The following FAM219A variants were observed in gnomAD, a reference collection of about 807,000 sequenced individuals.
FAM219A encodes family with sequence similarity 219 member A, also known as protein FAM219A.
FAM219A carries 7 observed loss-of-function variants against 23.4 expected under a neutral mutation model. The ratio of observed to expected loss-of-function variants is 0.30; its 90% CI spans 0.17 to 0.56. The LOEUF is 0.56. Ranked by LOEUF, FAM219A falls within the 20% of genes least tolerant of loss-of-function variation. The pLI is 0.92. For synonymous variants in FAM219A, 93 were observed against 99.0 expected (o/e 0.94, Z 0.36); for missense variants, 166 against 246.9 (o/e 0.67, Z 2.20).
intron 1 of FAM219A, among the ~76,000 whole-genome samples, chr9:34,421,029 A>AGAGAGAGAGAGAGAGAGG (rs1822260678): frequency 1.3e-5 from 2 of 148,520 alleles, no homozygotes; most frequent in African/African-American, 5.0e-5. Context: ...AGAGAGAGAG[A>AGAGAGAGAGAGAGAGAGG]GAGAGAGAGA....
intron 1 of FAM219A, among the ~76,000 whole-genome samples, chr9:34,416,731 CTG>C (rs1262968979): frequency 8.3e-6 from 1 of 120,628 alleles, no homozygotes; most frequent in African/African-American, 3.1e-5. Flanking sequence ...AAGTGAGACT[CTG>C]TCTCAAAAAA....
At chr9:34,411,788 TG>T (rs1331757424) in intron 1 of FAM219A, among the ~76,000 whole-genome samples, 1 of 151,768 alleles carries the variant, frequency 6.6e-6, no homozygotes, top group Admixed American at 6.6e-5. Context: ...GTAGAGAGAA[TG>T]GGACAAAGGG....
At chr9:34,404,506 C>T (rs1821562371) in intron 2 of FAM219A, among the ~76,000 whole-genome samples, 1 of 152,132 alleles carries the variant, frequency 6.6e-6, no homozygotes, top group Non-Finnish European at 1.5e-5. Context: ...CCAGGAGTTC[C>T]AGACCAGCCT....
At chr9:34,427,428 G>A (rs1376179546) in intron 1 of FAM219A, among the ~76,000 whole-genome samples, 2 of 152,120 alleles carry the variant, frequency 1.3e-5, no homozygotes, top group African/African-American at 4.8e-5. Context: ...TCCCATAAAT[G>A]CCAGGCTCAG....
intron 1 of FAM219A, among the ~76,000 whole-genome samples, chr9:34,409,236 T>C (rs1821744109): frequency 6.6e-6 from 1 of 152,270 alleles, no homozygotes; most frequent in Non-Finnish European, 1.5e-5. Context: ...TCTCTGGCAC[T>C]GTGCCTGCAA....
At chr9:34,445,901 G>A (rs1007326275) in intron 1 of FAM219A, among the ~76,000 whole-genome samples, 1 of 152,214 alleles carries the variant, frequency 6.6e-6, no homozygotes, top group Non-Finnish European at 1.5e-5. Context: ...TAGGCTGGGT[G>A]CAGTGGCTCA....
intron 1 of FAM219A, among the ~76,000 whole-genome samples, chr9:34,434,595 C>T (rs1007306044): frequency 6.6e-5 from 10 of 152,138 alleles, no homozygotes; most frequent in East Asian, 5.8e-4. Context: ...ATACAGAAAA[C>T]GATAACACAA....
In FAM219A at chr9:34,398,585, G is replaced by C. The variant is rs541509873; in HGVS notation, c.*2379C>G. ...CTGCCAGGGAACTAGTATGTCCTGTGGGGGGGGAGATTTTCCCTGGTGTCT... is the reference window on the plus strand; with the variant it reads ...CTGCCAGGGAACTAGTATGTCCTGTCGGGGGGGAGATTTTCCCTGGTGTCT... On this transcript the variant is annotated 3_prime_UTR_variant, in exon 6 of 6. Coordinates refer to ENST00000651358, the MANE Select transcript of FAM219A (RefSeq NM_001184940.2). The C allele has an allele frequency of 9.4e-5, 53 of 563,934 alleles. No individual in the cohort carries two copies. Among genetic ancestry groups the C allele is most frequent in the Middle Eastern group, 4.8e-4 (1 of 2,074 alleles). 34.9% of individuals were successfully genotyped at this position (563,934 alleles called of 1,614,324 possible). A position where few individuals can be genotyped will look rare whatever the true frequency, so the allele number is the denominator to read the frequency against.
At chr9:34,435,997 G>T (rs1822896315) in intron 1 of FAM219A, among the ~76,000 whole-genome samples, 1 of 151,920 alleles carries the variant, frequency 6.6e-6, no homozygotes, top group East Asian at 1.9e-4. Flanking sequence ...TAGAGATAGG[G>T]TTTCACCATG....
At chr9:34,407,949 C>T (rs1023714353) in intron 1 of FAM219A, among the ~76,000 whole-genome samples, 3 of 152,126 alleles carry the variant, frequency 2.0e-5, no homozygotes, top group Non-Finnish European at 4.4e-5. Context: ...TTGTCACTAA[C>T]GGGAAAGGGA....
At chr9:34,434,201 C>CAAAA (rs56144317) in intron 1 of FAM219A, among the ~76,000 whole-genome samples, 18 of 44,980 alleles carry the variant, frequency 4.0e-4, no homozygotes, top group Non-Finnish European at 4.1e-4. Context: ...GACTCCGTCT[C>CAAAA]AAAAAAAAAA....
intron 4 of FAM219A, chr9:34,402,102 G>A: frequency 7.2e-7 from 1 of 1,381,270 alleles, no homozygotes; most frequent in Non-Finnish European, 9.5e-7. Flanking sequence ...ATCATATTCT[G>A]CTGTCCAGAG....
At chr9:34,435,207 A>T (rs910830195) in intron 1 of FAM219A, among the ~76,000 whole-genome samples, 1 of 152,206 alleles carries the variant, frequency 6.6e-6, no homozygotes, top group South Asian at 2.1e-4. Context: ...AATTGGGAAG[A>T]TGTGAGTCAA....
chr9:34,407,148 G>A (rs1452111564), intron 1 of FAM219A, among the ~76,000 whole-genome samples: 2 of 151,936 alleles, frequency 1.3e-5, no homozygotes, highest in Admixed American at 6.6e-5. Flanking sequence ...ACCCTCCTCT[G>A]CTGCAAGATC....
At chr9:34,438,865 C>G (rs1485462847) in intron 1 of FAM219A, among the ~76,000 whole-genome samples, 1 of 152,244 alleles carries the variant, frequency 6.6e-6, no homozygotes, top group South Asian at 2.1e-4. Context: ...GCTCAGGTCC[C>G]CATCCACACT....
intron 1 of FAM219A, among the ~76,000 whole-genome samples, chr9:34,422,894 G>A (rs886399795): frequency 6.6e-6 from 1 of 152,126 alleles, no homozygotes; most frequent in African/African-American, 2.4e-5. Flanking sequence ...GGCTGGGCGC[G>A]GTGGCTCACA....
Position 34,401,035 on chromosome 9 carries a change from G to T in FAM219A, c.487C>A (p.Pro163Thr). 1 of 1,607,552 alleles carries T rather than the reference G, an allele frequency of 6.2e-7. No individual in the cohort carries two copies. Among genetic ancestry groups the T allele is most frequent in the Non-Finnish European group, 8.5e-7 (1 of 1,176,186 alleles). The change falls in exon 6 of 6, where the codon CCC becomes ACC. Residue 163 changes from proline to threonine, a missense_variant. By Grantham distance (38) the Pro-to-Thr change is conservative. Transcript: ENST00000651358. ...CACGTGGGGTTCACGGACTTGGGGGGGATGAGGTCTAGGTCCTCGTCGTCG... is the reference window on the plus strand; with the variant it reads ...CACGTGGGGTTCACGGACTTGGGGGTGATGAGGTCTAGGTCCTCGTCGTCG... ...IPDDEDLDLI[P>T]PKSVNPTCMC...
rs2131913692 is a variant in FAM219A, at chr9:34,398,359, C to T, written c.*2605G>A. ...GAGAAACCTGGCTGGGTGGCAGCCACAGCTGAGAGAGGAGGGAGTGTTAAG... is the reference window on the plus strand; with the variant it reads ...GAGAAACCTGGCTGGGTGGCAGCCATAGCTGAGAGAGGAGGGAGTGTTAAG... On this transcript the variant is annotated 3_prime_UTR_variant, in exon 6 of 6. Coordinates refer to ENST00000651358, the MANE Select transcript of FAM219A (RefSeq NM_001184940.2). 1.9e-6 allele frequency: 3 copies of T among 1,550,616 alleles called. No individual in the cohort carries two copies. Among genetic ancestry groups the T allele is most frequent in the Middle Eastern group, 1.7e-4 (1 of 5,990 alleles).
intron 1 of FAM219A, among the ~76,000 whole-genome samples, chr9:34,411,846 A>C (rs1821836275): frequency 6.6e-6 from 1 of 152,212 alleles, no homozygotes; most frequent in Non-Finnish European, 1.5e-5. Context: ...ACATTAGGTC[A>C]CCAATTAGTT....
Sources: gnomAD v4.1 joint callset for allele counts (sites outside exome capture counted in the v4.1 genomes callset) on GRCh38, gnomAD v4.1.1 for gene constraint, MANE v1.5 for transcripts, NCBI Gene and HGNC (gene_info 2026-07-23, HGNC 2026-07-21) for gene names.